The following RIMS1 variants were observed in gnomAD, a reference collection of about 807,000 sequenced individuals.
RIMS1 encodes regulating synaptic membrane exocytosis protein 1.
Under a neutral mutation model 214.1 loss-of-function variants are expected in RIMS1, and 83 were observed. The ratio of observed to expected loss-of-function variants is 0.39; its 90% CI spans 0.32 to 0.47. RIMS1 has a LOEUF of 0.47. Ranked by LOEUF, RIMS1 falls within the 20% of genes least tolerant of loss-of-function variation. RIMS1 has a pLI of 0.99. For synonymous variants in RIMS1, 793 were observed against 786.8 expected, an observed-to-expected ratio of 1.01 and a Z score of -0.13; for missense variants, 2,050 against 2,161.8, an observed-to-expected ratio of 0.95 and a Z score of 1.03.
At chr6:72,136,466 T>C (rs1321548778) in intron 4 of RIMS1, among the ~76,000 whole-genome samples, 3 of 152,154 alleles carry the variant, frequency 2.0e-5, no homozygotes, top group African/African-American at 7.2e-5. Flanking sequence ...TGCATTCTGA[T>C]TTATCTTTAA....
intron 6 of RIMS1, among the ~76,000 whole-genome samples, chr6:72,185,635 T>C (rs988923164): frequency 1.3e-5 from 2 of 152,218 alleles, no homozygotes; most frequent in Non-Finnish European, 2.9e-5. Context: ...TCAGGACTCC[T>C]TTTGACTTCT....
intron 29 of RIMS1, among the ~76,000 whole-genome samples, chr6:72,378,941 C>T (rs1456782845): frequency 6.6e-6 from 1 of 152,166 alleles, no homozygotes. Flanking sequence ...GAATCTTCCC[C>T]TCTAACCCAA....
chr6:72,027,043 A>T (rs1190623666), intron 2 of RIMS1, among the ~76,000 whole-genome samples: 1 of 152,350 alleles, frequency 6.6e-6, no homozygotes, highest in East Asian at 1.9e-4. Flanking sequence ...AATTTTAATC[A>T]TGTGTGCATA....
rs1175994935 is a variant in RIMS1 at position 72,401,848 on chromosome 6, C to T, written c.*1134C>T. 2 of 152,612 alleles carry T rather than the reference C, an allele frequency of 1.3e-5. No individual in the cohort carries two copies. Among genetic ancestry groups the T allele is most frequent in the East Asian group, 3.8e-4 (2 of 5,204 alleles). The allele number at this position is 152,612 out of a possible 1,614,324, so 9.5% of individuals were successfully genotyped here. On this transcript the variant is annotated 3_prime_UTR_variant, in exon 34 of 34. Coordinates refer to ENST00000521978, the MANE Select transcript of RIMS1 (RefSeq NM_014989.7). ...TCCAGTTGAAATATTCTGCACTAAA[C>T]TATTGTTTTTATTGAATTTTAGTTT...
chr6:72,038,152 TAA>T (rs1161263540), intron 2 of RIMS1, among the ~76,000 whole-genome samples: 3 of 91,184 alleles, frequency 3.3e-5, no homozygotes, highest in East Asian at 3.1e-4. Flanking sequence ...TATATATATA[TAA>T]AATCTATGTA....
intron 1 of RIMS1, among the ~76,000 whole-genome samples, chr6:71,937,675 G>T (rs1456028436): frequency 6.6e-6 from 1 of 152,154 alleles, no homozygotes; most frequent in Non-Finnish European, 1.5e-5. Context: ...GAGGGAAAAT[G>T]GGGGCTGAAC....
At chr6:71,911,995 G>A (rs2150605516) in intron 1 of RIMS1, among the ~76,000 whole-genome samples, 1 of 152,166 alleles carries the variant, frequency 6.6e-6, no homozygotes, top group East Asian at 1.9e-4. Context: ...CAAAACTTTT[G>A]TATTCAGTAT....
intron 6 of RIMS1, among the ~76,000 whole-genome samples, chr6:72,191,857 G>GA (rs2050120466): frequency 6.6e-6 from 1 of 152,128 alleles, no homozygotes; most frequent in Non-Finnish European, 1.5e-5. Context: ...AAATAGGAGA[G>GA]TTGAACGGGG....
chr6:72,317,151 C>T (rs1167924030), intron 28 of RIMS1: 1 of 349,416 alleles, frequency 2.9e-6, no homozygotes. Flanking sequence ...CCAGTCCCGA[C>T]CAGGGTGCCC....
chr6:72,137,032 AAAAGTGGAG>A (rs2041400143), intron 4 of RIMS1, among the ~76,000 whole-genome samples: 1 of 152,074 alleles, frequency 6.6e-6, no homozygotes, highest in Non-Finnish European at 1.5e-5. Flanking sequence ...TAACTAGAAT[AAAAGTGGAG>A]AGAAAGAAGT....
At chr6:72,361,874 C>T (rs912605907) in intron 29 of RIMS1, among the ~76,000 whole-genome samples, 1 of 152,174 alleles carries the variant, frequency 6.6e-6, no homozygotes, top group African/African-American at 2.4e-5. Flanking sequence ...AGCTTAATTC[C>T]ATCTGCCAGC....
chr6:72,216,783 G>GT (rs767425184), intron 6 of RIMS1: 3 of 989,214 alleles, frequency 3.0e-6, no homozygotes, highest in Non-Finnish European at 3.6e-6. Flanking sequence ...GGACCACAAC[G>GT]TTTCATCTCT....
At chr6:72,399,345 C>T (rs2098814347) in intron 33 of RIMS1, among the ~76,000 whole-genome samples, 1 of 151,680 alleles carries the variant, frequency 6.6e-6, no homozygotes, top group Non-Finnish European at 1.5e-5. Flanking sequence ...CTATCCTCTC[C>T]TTCTAGCTTT....
intron 29 of RIMS1, among the ~76,000 whole-genome samples, chr6:72,357,423 A>C (rs1292747655): frequency 6.6e-6 from 1 of 152,224 alleles, no homozygotes; most frequent in Non-Finnish European, 1.5e-5. Flanking sequence ...TATGGGTAGA[A>C]TATTCTAAGG....
intron 29 of RIMS1, among the ~76,000 whole-genome samples, chr6:72,364,841 T>A (rs559800654): frequency 5.3e-5 from 8 of 152,218 alleles, no homozygotes; most frequent in Admixed American, 5.2e-4. Flanking sequence ...TTATCCAACA[T>A]CTCTCATTTG....
intron 6 of RIMS1, chr6:72,212,707 C>T: frequency 1.6e-6 from 1 of 614,704 alleles, no homozygotes; most frequent in Non-Finnish European, 2.0e-6. Flanking sequence ...GATAAGTAAA[C>T]AGAAGGAATG....
intron 23 of RIMS1, among the ~76,000 whole-genome samples, chr6:72,277,593 A>C (rs1360181540): frequency 6.6e-6 from 1 of 151,846 alleles, no homozygotes; most frequent in Non-Finnish European, 1.5e-5. Flanking sequence ...AAAAAAAAAA[A>C]AGAATATTTT....
At chr6:71,931,983 G>T (rs1461584587) in intron 1 of RIMS1, among the ~76,000 whole-genome samples, 2 of 152,076 alleles carry the variant, frequency 1.3e-5, no homozygotes, top group African/African-American at 4.8e-5. Flanking sequence ...AATAGCAGAT[G>T]CAGGCAAGGT....
intron 6 of RIMS1, among the ~76,000 whole-genome samples, chr6:72,183,485 A>G (rs1400601806): frequency 6.7e-6 from 1 of 150,218 alleles, no homozygotes; most frequent in Non-Finnish European, 1.5e-5. Flanking sequence ...TTTGTTTGCT[A>G]GAAAATGAAA....
Sources: allele counts gnomAD v4.1 joint callset (sites outside exome capture counted in the v4.1 genomes callset), GRCh38; gene constraint gnomAD v4.1.1; transcripts MANE v1.5; gene names NCBI Gene and HGNC (gene_info 2026-07-23, HGNC 2026-07-21).